The following NFIB variants were observed in gnomAD, a reference collection of about 807,000 sequenced individuals.
NFIB encodes the protein nuclear factor 1 B-type.
NFIB carries 11 observed loss-of-function variants against 61.5 expected under a neutral mutation model. The observed-to-expected ratio is 0.18, with a 90% CI of 0.11 to 0.30. The LOEUF (loss-of-function observed/expected upper bound fraction) is 0.30, where lower values mean the gene tolerates loss of function less well. Among genes scored for constraint, NFIB ranks in the 10% least tolerant of loss-of-function variants. The pLI is 1.00. For synonymous variants in NFIB, 260 were observed against 216.5 expected, an observed-to-expected ratio of 1.20 and a Z score of -1.76; for missense variants, 471 against 608.9, an observed-to-expected ratio of 0.77 and a Z score of 2.38.
intron 1 of NFIB, among the ~76,000 whole-genome samples, chr9:14,312,430 A>C (rs2060324414): frequency 6.6e-6 from 1 of 152,250 alleles, no homozygotes; most frequent in African/African-American, 2.4e-5. Flanking sequence ...ATGGTGACAC[A>C]TCTTCCGAAA....
At chr9:14,143,790 C>G (rs1480416378) in intron 6 of NFIB, among the ~76,000 whole-genome samples, 2 of 152,044 alleles carry the variant, frequency 1.3e-5, no homozygotes, top group Non-Finnish European at 1.5e-5. Context: ...AGAAGATGGA[C>G]AAGAACAACC....
At chr9:14,504,483 T>G in the NFIB span, among the ~76,000 whole-genome samples, 2 of 152,218 alleles carry the variant, frequency 1.3e-5, no homozygotes. Context: ...TTCCATTTGT[T>G]TGTGTCATCT....
At chr9:14,502,132 G>A in the NFIB span, among the ~76,000 whole-genome samples, 24 of 152,174 alleles carry the variant, frequency 1.6e-4, no homozygotes, top group Admixed American at 5.9e-4. Flanking sequence ...TAGAAAGGAC[G>A]TATGATGCAG....
intron 7 of NFIB, among the ~76,000 whole-genome samples, chr9:14,121,152 T>C (rs944717940): frequency 6.6e-6 from 1 of 152,172 alleles, no homozygotes; most frequent in Non-Finnish European, 1.5e-5. Context: ...TAATCCCAGC[T>C]ACTTGGGAGC....
At chr9:14,109,939 T>C (rs1412599482) in intron 10 of NFIB, among the ~76,000 whole-genome samples, 2 of 152,044 alleles carry the variant, frequency 1.3e-5, no homozygotes, top group East Asian at 1.9e-4. Context: ...ATAATTATTA[T>C]AAAAAGGAAC....
upstream of NFIB, among the ~76,000 whole-genome samples, chr9:14,315,668 G>C (rs1017919799): frequency 2.0e-5 from 3 of 150,202 alleles, no homozygotes; most frequent in Non-Finnish European, 4.5e-5. Context: ...GCCCGTGCAG[G>C]CTCCGAGTGA....
At chr9:14,394,960 G>T (rs2061665663) in intron 1 of NFIB, among the ~76,000 whole-genome samples, 1 of 152,108 alleles carries the variant, frequency 6.6e-6, no homozygotes, top group South Asian at 2.1e-4. Flanking sequence ...TTGATTACAA[G>T]GCAAAGGAAA....
intron 1 of NFIB, among the ~76,000 whole-genome samples, chr9:14,355,523 C>A (rs1163948131): frequency 2.6e-5 from 4 of 152,336 alleles, no homozygotes; most frequent in East Asian, 3.9e-4. Context: ...TTTGGAGATG[C>A]AGACCCAGGG....
At chr9:14,490,987 C>T in the NFIB span, among the ~76,000 whole-genome samples, 1 of 152,122 alleles carries the variant, frequency 6.6e-6, no homozygotes, top group Non-Finnish European at 1.5e-5. Context: ...TGTTCATTGA[C>T]TAAAGAATAA....
chr9:14,309,708 A>G (rs2060194581), intron 1 of NFIB, among the ~76,000 whole-genome samples: 1 of 152,222 alleles, frequency 6.6e-6, no homozygotes, highest in African/African-American at 2.4e-5. Flanking sequence ...GTAACTACAA[A>G]AACTTTGTTT....
chr9:14,201,508 G>C (rs1425419535), intron 2 of NFIB, among the ~76,000 whole-genome samples: 1 of 152,184 alleles, frequency 6.6e-6, no homozygotes, highest in African/African-American at 2.4e-5. Context: ...ATCTTTAAAA[G>C]CTCTTGAATT....
At chr9:14,295,421 T>C (rs1588182211) in intron 2 of NFIB, among the ~76,000 whole-genome samples, 1 of 151,882 alleles carries the variant, frequency 6.6e-6, no homozygotes, top group Admixed American at 6.6e-5. Flanking sequence ...GGTCAGGAGA[T>C]GGAGATCATC....
the NFIB span, among the ~76,000 whole-genome samples, chr9:14,513,663 G>GAA: frequency 2.8e-5 from 4 of 145,200 alleles, no homozygotes; most frequent in Non-Finnish European, 3.0e-5. Flanking sequence ...AAAAGAAAAA[G>GAA]AAAAAAAAAG....
intron 2 of NFIB, among the ~76,000 whole-genome samples, chr9:14,273,795 C>A (rs2132352748): frequency 6.6e-6 from 1 of 152,222 alleles, no homozygotes; most frequent in Non-Finnish European, 1.5e-5. Flanking sequence ...GGTATGTGGT[C>A]TTGAAAACAC....
chr9:14,268,546 C>G (rs2057382782), intron 2 of NFIB, among the ~76,000 whole-genome samples: 1 of 152,198 alleles, frequency 6.6e-6, no homozygotes, highest in Non-Finnish European at 1.5e-5. Flanking sequence ...GCCTCACATC[C>G]TCGTCTAACA....
At chr9:14,296,775 A>G (rs1231309011) in intron 2 of NFIB, among the ~76,000 whole-genome samples, 1 of 152,254 alleles carries the variant, frequency 6.6e-6, no homozygotes, top group Non-Finnish European at 1.5e-5. Context: ...ATTTTGTTAT[A>G]GTAGCCTGAA....
chr9:14,214,775 C>G (rs1476014378), intron 2 of NFIB, among the ~76,000 whole-genome samples: 1 of 152,298 alleles, frequency 6.6e-6, no homozygotes, highest in East Asian at 1.9e-4. Context: ...GGAAATTCAT[C>G]ATTTATTTTA....
intron 2 of NFIB, among the ~76,000 whole-genome samples, chr9:14,293,878 A>G (rs1247704146): frequency 6.6e-6 from 1 of 152,196 alleles, no homozygotes; most frequent in Non-Finnish European, 1.5e-5. Flanking sequence ...TTCACCAAAA[A>G]ACAAAACCTT....
chr9:14,306,071 C>T (rs2060001459), intron 2 of NFIB: 2 of 692,058 alleles, frequency 2.9e-6, no homozygotes, highest in Admixed American at 7.1e-5. Flanking sequence ...ATTTCATTAA[C>T]TCAAATATTC....
Sources: allele counts gnomAD v4.1 joint callset (sites outside exome capture counted in the v4.1 genomes callset), GRCh38; gene constraint gnomAD v4.1.1; transcripts MANE v1.5; gene names NCBI Gene and HGNC (gene_info 2026-07-23, HGNC 2026-07-21).